USH2A: variants seen among roughly 807,000 people sequenced by gnomAD.
The protein encoded by USH2A is Usher syndrome 2A (autosomal recessive, mild).
A neutral mutation model predicts 538.9 loss-of-function variants in USH2A; 443 were observed. The observed-to-expected ratio is 0.82, with a 90% CI of 0.76 to 0.89. USH2A has a LOEUF of 0.89. Among genes scored for constraint, USH2A ranks in the 40% least tolerant of loss-of-function variants. The pLI, the probability that USH2A is intolerant of heterozygous loss-of-function variation, is 0.00. For synonymous variants in USH2A, 2,413 were observed against 2,273.5 expected, an observed-to-expected ratio of 1.06 and a Z score of -1.75; for missense variants, 6,633 against 6,324.8, an observed-to-expected ratio of 1.05 and a Z score of -1.65.
intron 4 of USH2A, among the ~76,000 whole-genome samples, chr1:216,335,322 CTT>C (rs1184576003): frequency 1.3e-5 from 2 of 151,408 alleles, no homozygotes; most frequent in Non-Finnish European, 3.0e-5. Flanking sequence ...GCTGTAAACA[CTT>C]ATATTTAAAG....
At chr1:215,861,177 A>G (rs1664302798) in intron 44 of USH2A, among the ~76,000 whole-genome samples, 1 of 152,218 alleles carries the variant, frequency 6.6e-6, no homozygotes, top group Admixed American at 6.5e-5. Flanking sequence ...AAACACCTGC[A>G]CTTTGGAAAC....
chr1:215,819,922 T>C (rs867298780), intron 47 of USH2A, among the ~76,000 whole-genome samples: 5 of 151,776 alleles, frequency 3.3e-5, no homozygotes, highest in Admixed American at 1.3e-4. Flanking sequence ...TGGTTGCTGA[T>C]CTGAAAATGA....
intron 13 of USH2A, among the ~76,000 whole-genome samples, chr1:216,240,880 C>G (rs1241960825): frequency 1.3e-5 from 2 of 152,128 alleles, no homozygotes; most frequent in African/African-American, 4.8e-5. Flanking sequence ...TTGGATATAG[C>G]TGTGCAACAG....
intron 47 of USH2A, among the ~76,000 whole-genome samples, chr1:215,826,086 G>A (rs1021038251): frequency 6.6e-6 from 1 of 152,148 alleles, no homozygotes; most frequent in Non-Finnish European, 1.5e-5. Context: ...GCAATGAAAG[G>A]TTAAGCCTAG....
At chr1:215,853,420 G>A (rs1664073612) in intron 44 of USH2A, among the ~76,000 whole-genome samples, 1 of 152,164 alleles carries the variant, frequency 6.6e-6, no homozygotes, top group African/African-American at 2.4e-5. Flanking sequence ...GGTCGCAGCT[G>A]TCATGAAGAC....
intron 21 of USH2A, among the ~76,000 whole-genome samples, chr1:216,136,486 T>C (rs1268619987): frequency 6.6e-6 from 1 of 152,186 alleles, no homozygotes; most frequent in Non-Finnish European, 1.5e-5. Context: ...TTAATTCCTC[T>C]TTTTGATTAG....
chr1:215,965,184 T>C lies in USH2A; in HGVS notation c.7120+133A>G, dbSNP rs528234198. 8 of 1,024,308 alleles carry C rather than the reference T, an allele frequency of 7.8e-6. No individual in the cohort carries two copies. The East Asian group carries it at 1.3e-4, about 17-fold the overall frequency. The allele number at this position is 1,024,308 out of a possible 1,614,324, so 63.5% of individuals were successfully genotyped here. Reference sequence around the variant, plus strand: ...ACCGTCGGGCAGTAGCTTATCCGTATAGGTTATTTTCAGGAAAATAAAGAA... The same window carrying C: ...ACCGTCGGGCAGTAGCTTATCCGTACAGGTTATTTTCAGGAAAATAAAGAA... On this transcript the variant is annotated intron_variant, in intron 37 of 71. Transcript: ENST00000307340.
rs575297281 is a variant in USH2A at position 216,231,266 on chromosome 1, A to G, written c.2993+687T>C. Among the ~76,000 whole-genome samples, 389 of 111,972 alleles carry G rather than the reference A, an allele frequency of 3.5e-3. 30 individuals are homozygous for G. Among genetic ancestry groups the G allele is most frequent in the Middle Eastern group, 0.017 (4 of 236 alleles). The allele number at this position is 111,972 out of a possible 152,430, so 73.5% of individuals were successfully genotyped here. A position where few individuals can be genotyped will look rare whatever the true frequency, so the allele number is the denominator to read the frequency against. On this transcript the variant is annotated intron_variant, in intron 14 of 71. Coordinates refer to ENST00000307340, the MANE Select transcript of USH2A (RefSeq NM_206933.4). ...TATATATATTATATATATAATATAT[A>G]TATATAATATATATACACAGAGAGA...
chr1:216,298,574 G>A (rs886345292), intron 9 of USH2A, among the ~76,000 whole-genome samples: 1 of 152,148 alleles, frequency 6.6e-6, no homozygotes, highest in African/African-American at 2.4e-5. Flanking sequence ...ATTGAAAATG[G>A]CTGGCCTTTC....
chr1:215,806,187 A>G (rs1403786923), intron 49 of USH2A, among the ~76,000 whole-genome samples: 1 of 152,102 alleles, frequency 6.6e-6, no homozygotes, highest in African/African-American at 2.4e-5. Flanking sequence ...AGGAATAACC[A>G]AATGTCTCAG....
Position 215,680,164 on chromosome 1 carries a change from G to C in USH2A, c.12279C>G (p.Thr4093=). 6.2e-7 allele frequency: 1 copy of C among 1,614,020 alleles called. No individual in the cohort carries two copies. The highest frequency in any genetic ancestry group is 8.5e-7 in the Non-Finnish European group (1 of 1,179,932). ...TAGACATTACCTTAATCACACCATT[G>C]GTTCTCATAGGTTCTGACCACTGTA... is the stretch of plus-strand genomic sequence containing the variant. The part of the protein sequence containing the change: ...LLLQWSEPMR[T]NGVIKTYNIF... Residue 4093 remains threonine, a synonymous_variant, in exon 62 of 72, where the codon ACC becomes ACG. Transcript: ENST00000307340.
chr1:216,005,052 C>A (rs976594111), intron 32 of USH2A, among the ~76,000 whole-genome samples: 8 of 152,164 alleles, frequency 5.3e-5, no homozygotes, highest in Admixed American at 2.6e-4. Context: ...TTCTTCTGCT[C>A]TTAGAACGAA....
intron 19 of USH2A, among the ~76,000 whole-genome samples, chr1:216,193,758 T>C (rs1322401065): frequency 1.3e-5 from 2 of 151,960 alleles, no homozygotes; most frequent in African/African-American, 4.8e-5. Flanking sequence ...CACAGGTAGG[T>C]AGAAGAGAAG....
rs142298047 is a variant in USH2A, at chr1:216,146,369, G to A, written c.4627+28883C>T. Among the ~76,000 whole-genome samples the A allele has an allele frequency of 7.2e-3, 1,092 of 152,166 alleles. 9 individuals carry two copies. Among genetic ancestry groups the A allele is most frequent in the South Asian group, 0.024 (117 of 4,826 alleles). On this transcript the variant is annotated intron_variant, in intron 21 of 71. Coordinates refer to ENST00000307340, the MANE Select transcript of USH2A (RefSeq NM_206933.4). ...GTTTTATCCGTGAACTCAAAACTCC[G>A]GCGCTGGTCACAGACTGGGAAGGCA... is the stretch of plus-strand genomic sequence containing the variant.
chr1:216,206,693 T>C (rs1388409809), intron 16 of USH2A, among the ~76,000 whole-genome samples: 1 of 152,206 alleles, frequency 6.6e-6, no homozygotes, highest in Non-Finnish European at 1.5e-5. Flanking sequence ...TATCAGTTTA[T>C]ATGCTATCAT....
intron 4 of USH2A, among the ~76,000 whole-genome samples, chr1:216,359,381 T>C (rs2038448550): frequency 6.6e-6 from 1 of 152,082 alleles, no homozygotes; most frequent in South Asian, 2.1e-4. Context: ...TCATCTCACA[T>C]AATTCTTATA....
At chr1:215,834,591 C>T (rs1004832011) in intron 47 of USH2A, among the ~76,000 whole-genome samples, 1 of 152,082 alleles carries the variant, frequency 6.6e-6, no homozygotes, top group African/African-American at 2.4e-5. Flanking sequence ...GCTTCACATC[C>T]TGATTGTGGT....
At chr1:215,733,274 A>G (rs1403220218) in intron 60 of USH2A, among the ~76,000 whole-genome samples, 1 of 152,012 alleles carries the variant, frequency 6.6e-6, no homozygotes, top group African/African-American at 2.4e-5. Flanking sequence ...GAGCAAGAAC[A>G]CACTTATCAC....
rs893701630 is a variant in USH2A, at chr1:215,784,767, G to A, written c.10388-1832C>T. Among the ~76,000 whole-genome samples, 7 of 152,106 alleles carry A rather than the reference G, an allele frequency of 4.6e-5. No individual in the cohort carries two copies. In the South Asian group the frequency reaches 1.2e-3, roughly 27 times the overall value. On this transcript the variant is annotated intron_variant, in intron 52 of 71. Coordinates refer to ENST00000307340, the MANE Select transcript of USH2A (RefSeq NM_206933.4). ...GTTTGTTATTTTTCATATTCAATTTGTAGTATTTTCTGCAGGCAAAGCAAT... is the reference window on the plus strand; with the variant it reads ...GTTTGTTATTTTTCATATTCAATTTATAGTATTTTCTGCAGGCAAAGCAAT...
Sources: gnomAD v4.1 joint callset for allele counts (sites outside exome capture counted in the v4.1 genomes callset) on GRCh38, gnomAD v4.1.1 for gene constraint, MANE v1.5 for transcripts, NCBI Gene and HGNC (gene_info 2026-07-23, HGNC 2026-07-21) for gene names.